SEMA4D: variants seen among roughly 807,000 people sequenced by gnomAD.
The protein encoded by SEMA4D is semaphorin-4D.
In SEMA4D, 22 loss-of-function variants were observed where a neutral mutation model predicts 74.8. The observed-to-expected ratio is 0.29, with a 90% CI of 0.21 to 0.42. SEMA4D has a LOEUF of 0.42. SEMA4D is among the 10% of genes least tolerant of loss of function. The probability of loss-of-function intolerance (pLI) is 1.00; values close to 1 mark genes in which losing one functional copy is unlikely to be tolerated. For missense variants in SEMA4D, 937 were observed against 1,118.4 expected, an observed-to-expected ratio of 0.84 and a Z score of 2.31; for synonymous variants, 445 against 463.7, an observed-to-expected ratio of 0.96 and a Z score of 0.52.
At chr9:89,431,469 G>A (rs1849263249) in intron 2 of SEMA4D, among the ~76,000 whole-genome samples, 1 of 152,100 alleles carries the variant, frequency 6.6e-6, no homozygotes, top group African/African-American at 2.4e-5. Flanking sequence ...TTTCAGTATT[G>A]TTCTCCCAAA....
At chr9:89,471,104 T>G (rs1335652621) in intron 1 of SEMA4D, among the ~76,000 whole-genome samples, 1 of 152,248 alleles carries the variant, frequency 6.6e-6, no homozygotes, top group Non-Finnish European at 1.5e-5. Flanking sequence ...TTGAAATGTC[T>G]TTTAAAATAC....
intron 1 of SEMA4D, among the ~76,000 whole-genome samples, chr9:89,494,153 C>T (rs1825829568): frequency 6.6e-6 from 1 of 152,078 alleles, no homozygotes; most frequent in Admixed American, 6.5e-5. Context: ...ATTTAAAACG[C>T]CAGAGGAAAG....
chr9:89,377,177 C>T (rs1031271006), downstream of SEMA4D: 1 of 1,404,820 alleles, frequency 7.1e-7, no homozygotes, highest in Admixed American at 3.0e-5. Context: ...GCTGTCCCGC[C>T]TGGGCCATGC....
chr9:89,424,520 G>A (rs115777256), intron 2 of SEMA4D, among the ~76,000 whole-genome samples: 1,653 of 152,190 alleles, frequency 0.011, 35 homozygotes, highest in African/African-American at 0.037. Context: ...AGATGCTTCC[G>A]TCCCGACTCC....
At chr9:89,364,129 C>G in intron 16 of SEMA4D, 2 of 1,298,502 alleles carry the variant, frequency 1.5e-6, no homozygotes, top group Non-Finnish European at 2.1e-6. Flanking sequence ...CAGCGGGAGC[C>G]TTGGCCTTGG....
At chr9:89,449,597 G>C in intron 2 of SEMA4D, 2 of 940,484 alleles carry the variant, frequency 2.1e-6, no homozygotes, top group Non-Finnish European at 3.5e-6. Context: ...AACTATCGCC[G>C]AGGACCTGGT....
intron 2 of SEMA4D, among the ~76,000 whole-genome samples, chr9:89,448,845 T>C (rs190736134): frequency 1.5e-3 from 230 of 152,236 alleles, no homozygotes; most frequent in Non-Finnish European, 2.0e-3. Context: ...TGCAGCTGCA[T>C]AGATAGCAGC....
chr9:89,404,646 C>A (rs1288180489), intron 3 of SEMA4D, among the ~76,000 whole-genome samples: 6 of 147,068 alleles, frequency 4.1e-5, no homozygotes, highest in Admixed American at 3.4e-4. Flanking sequence ...CCCATCCCGA[C>A]CTCAGCCACT....
downstream of SEMA4D, chr9:89,376,665 T>C: frequency 3.0e-6 from 3 of 987,958 alleles, no homozygotes; most frequent in Non-Finnish European, 4.4e-6. Context: ...TCCCTCGGGA[T>C]GGACCCACAA....
At chr9:89,446,751 G>C (rs574611688) in intron 2 of SEMA4D, among the ~76,000 whole-genome samples, 4 of 152,280 alleles carry the variant, frequency 2.6e-5, no homozygotes, top group African/African-American at 7.2e-5. Flanking sequence ...AGGCATGAAA[G>C]GGGGGTTATG....
At chr9:89,384,741 CA>C (rs776838829) in intron 13 of SEMA4D, 3 of 985,304 alleles carry the variant, frequency 3.0e-6, no homozygotes, top group Non-Finnish European at 3.6e-6. Context: ...AGCTGTAGGA[CA>C]GGGGGAGGGC....
chr9:89,388,774 C>T lies in SEMA4D; in HGVS notation c.969G>A (p.Ser323=), dbSNP rs117909186. The T allele has an allele frequency of 8.3e-4, 1,329 of 1,606,888 alleles. 17 individuals carry two copies. In the East Asian group the frequency reaches 0.023, roughly 28 times the overall value. Residue 323 remains serine, a synonymous_variant, in exon 11 of 16, where the codon TCG becomes TCA. Coordinates refer to ENST00000422704, the MANE Select transcript of SEMA4D (RefSeq NM_001371194.2). ...TGGACAGGTTGTAGGCGCACACTGC[C>T]GACAGCCCCACGTTGTTCCTGGGGA... is the stretch of plus-strand genomic sequence containing the variant. The part of the protein sequence containing the change: ...FTPQLNNVGL[S]AVCAYNLSTA...
Position 89,369,400 on chromosome 9 carries a change from G to C in SEMA4D, c.1883-5450C>G, listed in dbSNP as rs565205984. 5 of 152,332 alleles carry C rather than the reference G, an allele frequency of 3.3e-5. No homozygotes were observed. In the South Asian group the frequency reaches 8.3e-4, roughly 25 times the overall value. The allele number at this position is 152,332 out of a possible 1,614,324, so 9.4% of individuals were successfully genotyped here. A position where few individuals can be genotyped will look rare whatever the true frequency, so the allele number is the denominator to read the frequency against. ...ATCTAAATGCTGCCTAAAGTATGGG[G>C]GAACCATTATTAGCTTTGAAAATGA... On this transcript the variant is annotated intron_variant, in intron 16 of 18. Transcript: ENST00000339861.
At chr9:89,373,379 G>A (rs571766071), downstream of SEMA4D, among the ~76,000 whole-genome samples, 124 of 152,312 alleles carry the variant, frequency 8.1e-4, no homozygotes, top group African/African-American at 2.9e-3. Flanking sequence ...GCCAAGTGTT[G>A]GGGCAGGTGG....
At chr9:89,362,185 A>T in exon 19 of SEMA4D, 1 of 663,574 alleles carries the variant, frequency 1.5e-6, no homozygotes, top group Non-Finnish European at 2.6e-6. Context: ...CTAATTTTTT[A>T]AGTCTTAGTT....
chr9:89,405,544 C>T lies in SEMA4D; in HGVS notation c.-88G>A, dbSNP rs371807498. ...GTGTGCTATTGCAGATGCGGCTCAG[C>T]GCCCCAGGACCAGGGCCAGCAGCAC... On this transcript the variant is annotated 5_prime_UTR_variant, in exon 3 of 16. Coordinates refer to ENST00000422704, the MANE Select transcript of SEMA4D (RefSeq NM_001371194.2). 30 of 1,553,384 alleles carry T rather than the reference C, an allele frequency of 1.9e-5. No homozygotes were observed. In the South Asian group the frequency reaches 2.2e-4, roughly 12 times the overall value.
chr9:89,457,645 T>C (rs751643590), intron 1 of SEMA4D, among the ~76,000 whole-genome samples: 1 of 150,828 alleles, frequency 6.6e-6, no homozygotes, highest in Admixed American at 6.6e-5. Flanking sequence ...GGTGGGAGGA[T>C]TGCTTGAGCC....
chr9:89,426,295 A>G (rs1197724000), intron 2 of SEMA4D, among the ~76,000 whole-genome samples: 1 of 152,226 alleles, frequency 6.6e-6, no homozygotes, highest in Non-Finnish European at 1.5e-5. Flanking sequence ...AAGTCTCAAA[A>G]CCACAAAATG....
At position 89,421,254 on chromosome 9, in the gene SEMA4D, A is replaced by G. The variant is rs141324854; in HGVS notation, c.-243-15555T>C. Reference sequence around the variant, plus strand: ...CCAGAAGCAGGTAAGGAAGTTCCGGAGGCAGAGAGCAATGGGGGACCTTCT... The same window carrying G: ...CCAGAAGCAGGTAAGGAAGTTCCGGGGGCAGAGAGCAATGGGGGACCTTCT... On this transcript the variant is annotated intron_variant, in intron 2 of 15. Coordinates refer to ENST00000422704, the MANE Select transcript of SEMA4D (RefSeq NM_001371194.2). 2.4e-3 allele frequency among the ~76,000 whole-genome samples: 372 copies of G among 152,332 alleles called. 2 individuals are homozygous for G. The highest frequency in any genetic ancestry group is 8.1e-3 in the African/African-American group (338 of 41,582).
Sources: allele counts gnomAD v4.1 joint callset (sites outside exome capture counted in the v4.1 genomes callset), GRCh38; gene constraint gnomAD v4.1.1; transcripts MANE v1.5; gene names NCBI Gene and HGNC (gene_info 2026-07-23, HGNC 2026-07-21).